SMYD3: variants seen among roughly 807,000 people sequenced by gnomAD.
The protein encoded by SMYD3 is histone-lysine N-methyltransferase SMYD3.
A neutral mutation model predicts 57.7 loss-of-function variants in SMYD3; 36 were observed. The observed-to-expected ratio is 0.62, with a 90% confidence interval of 0.48 to 0.82. The LOEUF (loss-of-function observed/expected upper bound fraction) is 0.82. SMYD3 is among the 40% of genes least tolerant of loss of function. The pLI is 0.00. For missense variants in SMYD3, 515 were observed against 538.8 expected (o/e 0.96, Z 0.44); for synonymous variants, 211 against 195.0 (o/e 1.08, Z -0.68).
intron 5 of SMYD3, among the ~76,000 whole-genome samples, chr1:246,211,249 C>T (rs2148394420): frequency 6.6e-6 from 1 of 152,236 alleles, no homozygotes; most frequent in Non-Finnish European, 1.5e-5. Context: ...ACTTTATTTG[C>T]TATACCGTTT....
chr1:245,947,733 T>C (rs2057472199), intron 5 of SMYD3, among the ~76,000 whole-genome samples: 1 of 152,194 alleles, frequency 6.6e-6, no homozygotes, highest in Admixed American at 6.5e-5. Context: ...TTCGATCAAC[T>C]GTAAGACCCA....
intron 5 of SMYD3, among the ~76,000 whole-genome samples, chr1:246,112,906 G>A (rs1372063170): frequency 6.6e-6 from 1 of 152,162 alleles, no homozygotes; most frequent in Non-Finnish European, 1.5e-5. Flanking sequence ...TTTAGGCGGG[G>A]CACAGTGGCT....
intron 1 of SMYD3, among the ~76,000 whole-genome samples, chr1:246,361,800 G>C (rs1173053937): frequency 1.3e-5 from 2 of 152,146 alleles, no homozygotes; most frequent in Non-Finnish European, 2.9e-5. Flanking sequence ...CAGGAGAAAC[G>C]TTGGGAAGGG....
chr1:246,456,806 C>T (rs79357482), intron 1 of SMYD3, among the ~76,000 whole-genome samples: 8,873 of 152,192 alleles, frequency 0.058, 406 homozygotes, highest in Non-Finnish European at 0.085. Flanking sequence ...AAACTGGAGA[C>T]ATGGCTAAGG....
At chr1:246,193,559 C>A (rs1198310311) in intron 5 of SMYD3, 1 of 152,456 alleles carries the variant, frequency 6.6e-6, no homozygotes, top group East Asian at 1.9e-4. Flanking sequence ...ACTGACCCAC[C>A]CCCATCACAC....
At chr1:246,383,313 G>C (rs6677894) in intron 1 of SMYD3, among the ~76,000 whole-genome samples, 142,668 of 152,312 alleles carry the variant, frequency 0.94, 66,864 homozygotes, top group East Asian at 1. Context: ...TCAATATTCA[G>C]TAAAAAGAAT....
intron 1 of SMYD3, among the ~76,000 whole-genome samples, chr1:246,440,070 T>C (rs1207872777): frequency 6.6e-6 from 1 of 152,230 alleles, no homozygotes; most frequent in African/African-American, 2.4e-5. Flanking sequence ...TCGTTAGAAG[T>C]CATTTTGCTT....
chr1:245,830,409 T>A (rs7527694), intron 10 of SMYD3, among the ~76,000 whole-genome samples: 128,716 of 152,168 alleles, frequency 0.85, 55,989 homozygotes, highest in Non-Finnish European at 0.96. Context: ...CTTATTCACT[T>A]CCAGGAGAAC....
At position 245,891,025 on chromosome 1, in the gene SMYD3, T is replaced by G. The variant is rs143633767; in HGVS notation, c.813+24505A>C. Among the ~76,000 whole-genome samples, 737 of 152,252 alleles carry G rather than the reference T, an allele frequency of 4.8e-3. 3 individuals carry two copies. Among genetic ancestry groups the G allele is most frequent in the African/African-American group, 0.016 (659 of 41,540 alleles). On this transcript the variant is annotated intron_variant, in intron 8 of 11. Coordinates refer to ENST00000490107, the MANE Select transcript of SMYD3 (RefSeq NM_001167740.2). The stretch of plus-strand genomic sequence containing the variant: ...TGTAGGAGCTAAAAATTAAAAGAAT[T>G]TAACTCATGGAGATAGAGAGTAGAA...
At chr1:245,783,757 G>A (rs1304501161) in intron 10 of SMYD3, among the ~76,000 whole-genome samples, 3 of 152,078 alleles carry the variant, frequency 2.0e-5, no homozygotes, top group African/African-American at 7.2e-5. Context: ...AGACATACAT[G>A]AAAACCAAAA....
chr1:245,812,266 T>C (rs891292961), intron 10 of SMYD3, among the ~76,000 whole-genome samples: 1 of 152,310 alleles, frequency 6.6e-6, no homozygotes, highest in Middle Eastern at 3.4e-3. Flanking sequence ...TCTGAGTGTA[T>C]GAACTGCTTC....
intron 5 of SMYD3, among the ~76,000 whole-genome samples, chr1:246,217,248 G>A (rs939117359): frequency 6.6e-6 from 1 of 152,134 alleles, no homozygotes. Flanking sequence ...CACTCAGGGT[G>A]AATACACCTT....
At chr1:246,331,719 A>G (rs1271172479) in intron 3 of SMYD3, among the ~76,000 whole-genome samples, 1 of 152,212 alleles carries the variant, frequency 6.6e-6, no homozygotes, top group East Asian at 1.9e-4. Context: ...TGCACTGAAG[A>G]TTTACATCAT....
At chr1:246,303,457 C>T (rs1010323678) in intron 5 of SMYD3, among the ~76,000 whole-genome samples, 1 of 152,178 alleles carries the variant, frequency 6.6e-6, no homozygotes, top group African/African-American at 2.4e-5. Context: ...TAGCCTGTAC[C>T]TATCCTCCTG....
chr1:246,217,142 T>A (rs974783574), intron 5 of SMYD3, among the ~76,000 whole-genome samples: 2 of 152,146 alleles, frequency 1.3e-5, no homozygotes, highest in Admixed American at 6.5e-5. Flanking sequence ...ATTTATATTA[T>A]CTTTGTGGGA....
chr1:246,342,524 G>C (rs2065648653), intron 2 of SMYD3, among the ~76,000 whole-genome samples: 1 of 152,158 alleles, frequency 6.6e-6, no homozygotes, highest in African/African-American at 2.4e-5. Context: ...GGCTAAGCAG[G>C]TTGTCTAACA....
chr1:246,410,560 G>A (rs1016891666), intron 1 of SMYD3, among the ~76,000 whole-genome samples: 8 of 152,124 alleles, frequency 5.3e-5, no homozygotes, highest in African/African-American at 1.7e-4. Context: ...ATGTATTGCT[G>A]GATTCAGTTT....
At chr1:246,307,276 C>T (rs1045129345) in intron 5 of SMYD3, among the ~76,000 whole-genome samples, 5 of 152,148 alleles carry the variant, frequency 3.3e-5, no homozygotes, top group African/African-American at 9.7e-5. Context: ...CCTTAAGTGG[C>T]TCTTTCTCTT....
chr1:245,842,547 G>T (rs1326674091), intron 10 of SMYD3, among the ~76,000 whole-genome samples: 1 of 152,160 alleles, frequency 6.6e-6, no homozygotes, highest in Non-Finnish European at 1.5e-5. Flanking sequence ...CTGGGGAACA[G>T]CAAGCCGACT....
Sources: allele counts gnomAD v4.1 joint callset (sites outside exome capture counted in the v4.1 genomes callset), GRCh38; gene constraint gnomAD v4.1.1; transcripts MANE v1.5; gene names NCBI Gene and HGNC (gene_info 2026-07-23, HGNC 2026-07-21).